Variants in SNX29 observed in about 807,000 individuals in gnomAD.
SNX29 encodes sorting nexin-29.
SNX29 carries 78 observed loss-of-function variants against 102.1 expected under a neutral mutation model. The observed-to-expected ratio is 0.76, with a 90% CI of 0.64 to 0.92. The LOEUF (loss-of-function observed/expected upper bound fraction) is 0.92, where lower values mean the gene tolerates loss of function less well. Among genes scored for constraint, SNX29 ranks in the 40% least tolerant of loss-of-function variants. The pLI is 0.00. For missense variants in SNX29, 1,280 were observed against 1,061.7 expected (o/e 1.21, Z -2.86); for synonymous variants, 580 against 414.5 (o/e 1.40, Z -4.85).
At chr16:12,433,305 C>G (rs564787280) in intron 18 of SNX29, among the ~76,000 whole-genome samples, 1 of 152,218 alleles carries the variant, frequency 6.6e-6, no homozygotes, top group South Asian at 2.1e-4. Context: ...TTGGAACACC[C>G]CATTTAGAAA....
chr16:12,450,669 CCCAAAGGATGAGCTAGT>C (rs1422190719), intron 18 of SNX29, among the ~76,000 whole-genome samples: 4 of 152,124 alleles, frequency 2.6e-5, no homozygotes, highest in African/African-American at 9.7e-5. Context: ...AACCAGGTGG[CCCAAAGGATGAGCTAGT>C]CAGATGGGCT....
At chr16:12,037,714 G>A (rs1028094526) in intron 4 of SNX29, among the ~76,000 whole-genome samples, 3 of 151,954 alleles carry the variant, frequency 2.0e-5, no homozygotes, top group African/African-American at 7.3e-5. Flanking sequence ...TGCTTTGGGA[G>A]GCCGATGCTG....
At position 12,284,261 on chromosome 16, in the gene SNX29, G is replaced by T. The variant is rs537411788; in HGVS notation, c.1782+6225G>T. Among the ~76,000 whole-genome samples, 4 of 152,350 alleles carry T rather than the reference G, an allele frequency of 2.6e-5. No homozygotes were observed. The South Asian group carries it at 8.3e-4, about 32-fold the overall frequency. On this transcript the variant is annotated intron_variant, in intron 15 of 20. Transcript: ENST00000566228. ...GAGTTCAGATTTGCCACTTACTGCC[G>T]TATGTTCCTGGGCACGCCCCCTAAC...
intron 14 of SNX29, among the ~76,000 whole-genome samples, chr16:12,254,687 ACT>A (rs2078518142): frequency 6.6e-6 from 1 of 150,658 alleles, no homozygotes; most frequent in South Asian, 2.1e-4. Flanking sequence ...AGGAGACAAG[ACT>A]CTCCTAGAGT....
chr16:12,521,882 C>A (rs572565824), intron 19 of SNX29, among the ~76,000 whole-genome samples: 43 of 152,316 alleles, frequency 2.8e-4, no homozygotes, highest in Non-Finnish European at 4.3e-4. Flanking sequence ...TCGCACATAG[C>A]CCGCCTCCTG....
At chr16:12,267,245 A>AGTGTGTGT (rs59796551) in intron 14 of SNX29, among the ~76,000 whole-genome samples, 87,752 of 150,562 alleles carry the variant, frequency 0.58, 26,001 homozygotes, top group African/African-American at 0.67. Context: ...CATGGGTGCG[A>AGTGTGTGT]GTGTGTGTGT....
At chr16:12,461,374 C>T (rs1216635994) in intron 18 of SNX29, among the ~76,000 whole-genome samples, 2 of 152,200 alleles carry the variant, frequency 1.3e-5, no homozygotes, top group African/African-American at 2.4e-5. Flanking sequence ...GCTTCTATTA[C>T]TGTGACGAGG....
intron 1 of SNX29, among the ~76,000 whole-genome samples, chr16:11,988,127 C>G (rs2055702575): frequency 6.6e-6 from 1 of 152,022 alleles, no homozygotes; most frequent in African/African-American, 2.4e-5. Flanking sequence ...AACCACACCT[C>G]TACTAAAAAT....
chr16:12,010,652 G>T (rs923452304), intron 3 of SNX29, among the ~76,000 whole-genome samples: 6 of 151,962 alleles, frequency 3.9e-5, no homozygotes, highest in Admixed American at 1.3e-4. Context: ...ACAAGAAATT[G>T]CTCTTTTTAA....
chr16:12,316,324 C>T (rs2080736387), intron 15 of SNX29, among the ~76,000 whole-genome samples: 1 of 152,116 alleles, frequency 6.6e-6, no homozygotes, highest in African/African-American at 2.4e-5. Flanking sequence ...GTGGGTGGAT[C>T]ACGAGGTCAA....
intron 19 of SNX29, among the ~76,000 whole-genome samples, chr16:12,487,819 T>A (rs2088325000): frequency 1.3e-5 from 2 of 152,290 alleles, no homozygotes; most frequent in Admixed American, 1.3e-4. Context: ...CTCAAGCCTG[T>A]GTCTCATTTG....
intron 18 of SNX29, among the ~76,000 whole-genome samples, chr16:12,422,138 T>A (rs897538171): frequency 2.0e-5 from 3 of 152,226 alleles, no homozygotes; most frequent in African/African-American, 7.2e-5. Context: ...AGAGGCAGCA[T>A]TTTTCTCCTT....
chr16:12,514,351 T>G lies in SNX29; in HGVS notation c.2179-10351T>G, dbSNP rs574564472. Among the ~76,000 whole-genome samples the G allele has an allele frequency of 2.0e-5, 3 of 152,208 alleles. No homozygotes were observed. In the South Asian group the frequency reaches 6.2e-4, roughly 32 times the overall value. On this transcript the variant is annotated intron_variant, in intron 19 of 20. Transcript: ENST00000566228. ...CTCAGGCGCCTCTGCTCCTGAATCT[T>G]GTGGTCCCCCTAAGCTACTGTCTTT...
rs1491433189 is a variant in SNX29 at position 12,525,709 on chromosome 16, C to CCCA, written c.2318+868_2318+869insCCA. Among the ~76,000 whole-genome samples, 7 of 121,452 alleles carry CCCA rather than the reference C, an allele frequency of 5.8e-5. 1 individual carries two copies. The highest frequency in any genetic ancestry group is 2.5e-4 in the Admixed American group (3 of 12,162). The allele number at this position is 121,452 out of a possible 152,430, so 79.7% of individuals were successfully genotyped here. A position where few individuals can be genotyped will look rare whatever the true frequency, so the allele number is the denominator to read the frequency against. On this transcript the variant is annotated intron_variant, in intron 20 of 20. Coordinates refer to ENST00000566228, the MANE Select transcript of SNX29 (RefSeq NM_032167.5). ...TCCACGCCCCCCCCACCCCCCCCCC[C>CCCA]AAAAAAAAGAAAAAATCATTACACT...
chr16:12,296,096 T>C (rs2151080241), intron 15 of SNX29, among the ~76,000 whole-genome samples: 1 of 152,366 alleles, frequency 6.6e-6, no homozygotes, highest in Non-Finnish European at 1.5e-5. Context: ...AAATTTTTCT[T>C]CCTTCGGTGG....
intron 11 of SNX29, among the ~76,000 whole-genome samples, chr16:12,109,696 A>G (rs1175310747): frequency 6.6e-6 from 1 of 151,706 alleles, no homozygotes; most frequent in African/African-American, 2.4e-5. Flanking sequence ...CTCCTGCAAG[A>G]AGGCTCAAGG....
At chr16:12,548,861 C>G (rs990935968) in intron 20 of SNX29, among the ~76,000 whole-genome samples, 1 of 152,236 alleles carries the variant, frequency 6.6e-6, no homozygotes, top group African/African-American at 2.4e-5. Flanking sequence ...TGCTCTGCAG[C>G]CAGGGCCCTT....
intron 11 of SNX29, among the ~76,000 whole-genome samples, chr16:12,116,805 C>T (rs570377207): frequency 3.1e-4 from 47 of 151,850 alleles, no homozygotes; most frequent in African/African-American, 1.0e-3. Flanking sequence ...TCAACGCGGA[C>T]GAACCGTGGA....
chr16:12,560,103 A>G (rs2042914), intron 20 of SNX29, among the ~76,000 whole-genome samples: 143,579 of 150,100 alleles, frequency 0.96, 68,819 homozygotes, highest in Middle Eastern at 0.99. Context: ...ACAAAGGATG[A>G]GTTGACAAGC....
Sources: gnomAD v4.1 joint callset for allele counts (sites outside exome capture counted in the v4.1 genomes callset) on GRCh38, gnomAD v4.1.1 for gene constraint, MANE v1.5 for transcripts, NCBI Gene and HGNC (gene_info 2026-07-23, HGNC 2026-07-21) for gene names.